Variants in XKR6 observed in about 807,000 individuals in gnomAD.
XKR6 encodes the protein XK-related protein 6.
In XKR6, 22 loss-of-function variants were observed where a neutral mutation model predicts 56.7. That is an observed-to-expected ratio of 0.39 (90% CI 0.28 to 0.55). The LOEUF (loss-of-function observed/expected upper bound fraction) is 0.55. Among genes scored for constraint, XKR6 ranks in the 20% least tolerant of loss-of-function variants. XKR6 has a pLI of 0.66. For synonymous variants in XKR6, 524 were observed against 387.8 expected, an observed-to-expected ratio of 1.35 and a Z score of -4.13; for missense variants, 852 against 889.0, an observed-to-expected ratio of 0.96 and a Z score of 0.53.
intron 1 of XKR6, among the ~76,000 whole-genome samples, chr8:11,169,947 A>C (rs1802282833): frequency 6.6e-6 from 1 of 151,092 alleles, no homozygotes; most frequent in African/African-American, 2.5e-5. Context: ...AGAGAGAGAG[A>C]GATGGGACAG....
intron 1 of XKR6, among the ~76,000 whole-genome samples, chr8:11,128,150 G>C (rs889176328): frequency 3.9e-5 from 6 of 152,146 alleles, no homozygotes; most frequent in African/African-American, 1.4e-4. Flanking sequence ...AGGACAATCT[G>C]AATGTTTGGT....
At chr8:11,173,309 A>G (rs1327395691) in intron 1 of XKR6, among the ~76,000 whole-genome samples, 1 of 151,112 alleles carries the variant, frequency 6.6e-6, no homozygotes, top group Non-Finnish European at 1.5e-5. Context: ...GTGCCACTGC[A>G]CTCCAGCCTG....
chr8:10,983,520 C>G (rs1423173855), intron 1 of XKR6, among the ~76,000 whole-genome samples: 1 of 152,186 alleles, frequency 6.6e-6, no homozygotes, highest in Non-Finnish European at 1.5e-5. Flanking sequence ...AAATAGTCAT[C>G]ACAGAGCAGA....
chr8:11,062,441 G>C (rs912922053), intron 1 of XKR6, among the ~76,000 whole-genome samples: 5 of 152,142 alleles, frequency 3.3e-5, no homozygotes, highest in African/African-American at 1.2e-4. Flanking sequence ...TCCCTAGTAA[G>C]ATCTTATAAA....
rs565414253 is a variant in XKR6, at chr8:10,929,475, GCTC to G, written c.765-4648_765-4646del. On this transcript the variant is annotated intron_variant, in intron 1 of 2. Transcript: ENST00000416569. Reference sequence around the variant, plus strand: ...GGCTTTGGGGCCAGTGCTGTTGACTGCTCCTGCCCACGCACCTCCCAGAGGTAG... The same window carrying G: ...GGCTTTGGGGCCAGTGCTGTTGACTGCTGCCCACGCACCTCCCAGAGGTAG... Among the ~76,000 whole-genome samples, 368 of 152,352 alleles carry G rather than the reference GCTC, an allele frequency of 2.4e-3. 1 individual carries two copies. Among genetic ancestry groups the G allele is most frequent in the Middle Eastern group, 0.01 (3 of 294 alleles).
chr8:10,946,185 C>G (rs762957765), intron 1 of XKR6, among the ~76,000 whole-genome samples: 1 of 152,032 alleles, frequency 6.6e-6, no homozygotes, highest in Admixed American at 6.5e-5. Flanking sequence ...CCCAAGTAGC[C>G]TATTTGCACA....
At chr8:10,927,998 C>T (rs1800945934) in intron 1 of XKR6, among the ~76,000 whole-genome samples, 6 of 152,238 alleles carry the variant, frequency 3.9e-5, no homozygotes, top group Admixed American at 3.9e-4. Flanking sequence ...AATGCAAATG[C>T]TCATCCTTTC....
At chr8:11,049,177 G>C (rs1413286236) in intron 1 of XKR6, among the ~76,000 whole-genome samples, 1 of 152,238 alleles carries the variant, frequency 6.6e-6, no homozygotes, top group African/African-American at 2.4e-5. Flanking sequence ...TTGCACTGCA[G>C]AGCAGCTTAT....
chr8:11,173,676 G>C (rs1802502612), intron 1 of XKR6, among the ~76,000 whole-genome samples: 1 of 152,128 alleles, frequency 6.6e-6, no homozygotes, highest in African/African-American at 2.4e-5. Flanking sequence ...TGAGGGAGCA[G>C]TTGTTACTGT....
intron 1 of XKR6, among the ~76,000 whole-genome samples, chr8:10,980,040 G>A (rs548746781): frequency 3.7e-4 from 57 of 152,360 alleles, no homozygotes; most frequent in African/African-American, 1.3e-3. Context: ...TCTGTCCCAA[G>A]GAAAACCCCA....
At chr8:11,087,594 G>A (rs924528966) in intron 1 of XKR6, among the ~76,000 whole-genome samples, 7 of 152,168 alleles carry the variant, frequency 4.6e-5, no homozygotes, top group Non-Finnish European at 7.3e-5. Flanking sequence ...TGATGACCAG[G>A]AACAATGAAA....
intron 1 of XKR6, among the ~76,000 whole-genome samples, chr8:11,026,456 CT>C (rs2129150179): frequency 6.6e-6 from 1 of 151,720 alleles, no homozygotes; most frequent in African/African-American, 2.4e-5. Context: ...GTCTAGCCTA[CT>C]ACACACCTAG....
At position 10,961,914 on chromosome 8, in the gene XKR6, A is replaced by G. The variant is rs1802071558; in HGVS notation, c.765-37084T>C. On this transcript the variant is annotated intron_variant, in intron 1 of 2. Transcript: ENST00000416569. Reference sequence around the variant, plus strand: ...GCCCAAGAATCATTGTTTCATTGACAATAACGTGGGGCATTTAGTATTCAT... The same window carrying G: ...GCCCAAGAATCATTGTTTCATTGACGATAACGTGGGGCATTTAGTATTCAT... 2.0e-5 allele frequency among the ~76,000 whole-genome samples: 3 copies of G among 152,188 alleles called. No homozygotes were observed. The South Asian group carries it at 6.2e-4, about 32-fold the overall frequency.
At chr8:11,097,104 T>C (rs1462233131) in intron 1 of XKR6, among the ~76,000 whole-genome samples, 1 of 152,172 alleles carries the variant, frequency 6.6e-6, no homozygotes. Context: ...GTCAAGTAAG[T>C]TTGTCATCAG....
At chr8:11,136,501 T>G (rs1475403711) in intron 1 of XKR6, among the ~76,000 whole-genome samples, 4 of 122,648 alleles carry the variant, frequency 3.3e-5, no homozygotes, top group African/African-American at 1.3e-4. Context: ...CGAAACTCTG[T>G]CTCAAAAAAA....
chr8:11,124,327 A>G, intron 1 of XKR6: 1 of 318,954 alleles, frequency 3.1e-6, no homozygotes, highest in South Asian at 2.8e-5. Flanking sequence ...GACTCTTGAG[A>G]TCATCAATAA....
At chr8:11,181,878 G>T (rs1803000900) in intron 1 of XKR6, among the ~76,000 whole-genome samples, 1 of 151,960 alleles carries the variant, frequency 6.6e-6, no homozygotes, top group African/African-American at 2.4e-5. Flanking sequence ...TTGGAGACAG[G>T]GTCTGGCTCT....
intron 1 of XKR6, among the ~76,000 whole-genome samples, chr8:10,997,305 T>C (rs978856755): frequency 1.3e-5 from 2 of 152,184 alleles, no homozygotes; most frequent in Non-Finnish European, 2.9e-5. Context: ...TTTAACTCCT[T>C]TAATCCTCAG....
intron 2 of XKR6, among the ~76,000 whole-genome samples, chr8:10,916,749 A>G (rs1800575505): frequency 6.6e-6 from 1 of 152,230 alleles, no homozygotes; most frequent in Admixed American, 6.5e-5. Flanking sequence ...GTTGCAGCCA[A>G]AAAGAAAGGC....
Sources: allele counts gnomAD v4.1 joint callset (sites outside exome capture counted in the v4.1 genomes callset), GRCh38; gene constraint gnomAD v4.1.1; transcripts MANE v1.5; gene names NCBI Gene and HGNC (gene_info 2026-07-23, HGNC 2026-07-21).